GSE1: variants seen among roughly 807,000 people sequenced by gnomAD.
GSE1 encodes Gse1 coiled-coil protein.
Under a neutral mutation model 112.6 loss-of-function variants are expected in GSE1, and 32 were observed. That is an observed-to-expected ratio of 0.28 (90% CI 0.21 to 0.38). The LOEUF (loss-of-function observed/expected upper bound fraction) is 0.38. GSE1 is among the 10% of genes least tolerant of loss of function. The pLI, the probability that GSE1 is intolerant of heterozygous loss-of-function variation, is 1.00. For synonymous variants in GSE1, 1,115 were observed against 735.6 expected, an observed-to-expected ratio of 1.52 and a Z score of -8.35; for missense variants, 2,348 against 1,699.2, an observed-to-expected ratio of 1.38 and a Z score of -6.71.
rs571522871 is a variant in GSE1 at position 85,231,372 on chromosome 16, AGATG to A, written c.2283+59574_2283+59577del. On this transcript the variant is annotated intron_variant, in intron 1 of 2. Transcript: ENST00000637419. ...ATGGATGATGGATGGACAGAAGGAT[AGATG>A]GATGGATGATGATGGATGGATAGCT... 8.3e-3 allele frequency among the ~76,000 whole-genome samples: 1,236 copies of A among 149,690 alleles called. 7 individuals are homozygous for A. The highest frequency in any genetic ancestry group is 0.014 in the Non-Finnish European group (950 of 67,484).
intron 2 of GSE1, among the ~76,000 whole-genome samples, chr16:85,505,623 C>T (rs983308992): frequency 7.9e-5 from 12 of 152,182 alleles, no homozygotes; most frequent in African/African-American, 2.4e-4. Flanking sequence ...GGAGTGCCGG[C>T]GGGGGGCACA....
At chr16:85,665,868 C>T (rs535602994) in intron 12 of GSE1, 108 bp from the exon 13 acceptor site, 24 of 1,047,902 alleles carry the variant, frequency 2.3e-5, no homozygotes, top group Admixed American at 5.8e-5. Flanking sequence ...TGGTTCTTTG[C>T]GCTAGGTCTT....
chr16:85,369,760 C>T (rs1200931315), intron 2 of GSE1, among the ~76,000 whole-genome samples: 1 of 152,230 alleles, frequency 6.6e-6, no homozygotes, highest in South Asian at 2.1e-4. Context: ...CCTGGCTGGG[C>T]TGAGCTGGCT....
At chr16:85,610,092 C>A (rs551698854), upstream of GSE1, among the ~76,000 whole-genome samples, 1 of 152,348 alleles carries the variant, frequency 6.6e-6, no homozygotes, top group South Asian at 2.1e-4. Context: ...TGGGAGCCTG[C>A]CTTCCGCTCT....
chr16:85,258,801 G>A lies in GSE1; in HGVS notation c.2283+86994G>A, dbSNP rs531757518. ...TCAGGCCCGCGAAGGGAGCTGTGGC[G>A]GTTTAGCCTCTGCCCCTTGTGGTCC... On this transcript the variant is annotated intron_variant, in intron 1 of 2. Transcript: ENST00000637419. 7.9e-5 allele frequency among the ~76,000 whole-genome samples: 12 copies of A among 152,298 alleles called. No homozygotes were observed. In the South Asian group the frequency reaches 8.3e-4, roughly 11 times the overall value.
chr16:85,180,008 A>G (rs956000954), intron 1 of GSE1, among the ~76,000 whole-genome samples: 2 of 152,108 alleles, frequency 1.3e-5, no homozygotes, highest in African/African-American at 2.4e-5. Context: ...GTCTTTCTAC[A>G]TGTGTTGGCG....
intron 2 of GSE1, among the ~76,000 whole-genome samples, chr16:85,422,574 T>G (rs2048873556): frequency 7.6e-6 from 1 of 132,024 alleles, no homozygotes; most frequent in African/African-American, 2.7e-5. Flanking sequence ...TGCCCTGTTC[T>G]GGCCAAAAGA....
chr16:85,390,891 C>A (rs1477053770), intron 2 of GSE1, among the ~76,000 whole-genome samples: 4 of 152,214 alleles, frequency 2.6e-5, no homozygotes, highest in Admixed American at 2.0e-4. Flanking sequence ...TTTGGAGATG[C>A]GTCATGCTGG....
chr16:85,440,153 G>C lies in GSE1; in HGVS notation c.2464+82510G>C, dbSNP rs150406940. ...TGTGGTAAATGTTTGTCGAGTCAGT[G>C]AATGCATGGATGGCTCGAACCGTGT... On this transcript the variant is annotated intron_variant, in intron 2 of 2. Coordinates refer to the GSE1 transcript ENST00000637419. 2.6e-3 allele frequency among the ~76,000 whole-genome samples: 389 copies of C among 152,358 alleles called. 1 individual carries two copies. Among genetic ancestry groups the C allele is most frequent in the African/African-American group, 9.0e-3 (375 of 41,580 alleles).
At chr16:85,661,054 G>A in intron 8 of GSE1, 92 bp from the exon 9 acceptor site, 1 of 1,263,252 alleles carries the variant, frequency 7.9e-7, no homozygotes, top group Non-Finnish European at 1.1e-6. Flanking sequence ...TGCGCCATCT[G>A]TGTCATCTTA....
At chr16:85,524,443 C>T (rs1323638962) in intron 2 of GSE1, among the ~76,000 whole-genome samples, 2 of 152,136 alleles carry the variant, frequency 1.3e-5, no homozygotes. Context: ...TCCTAAATGC[C>T]AGCACGGCTG....
intron 1 of GSE1, among the ~76,000 whole-genome samples, chr16:85,296,154 C>G (rs2045360102): frequency 6.6e-6 from 1 of 152,130 alleles, no homozygotes; most frequent in Non-Finnish European, 1.5e-5. Context: ...GATTTCTGAA[C>G]TGCACAAGGT....
chr16:85,186,037 T>C (rs562107029), intron 1 of GSE1, among the ~76,000 whole-genome samples: 2 of 152,306 alleles, frequency 1.3e-5, no homozygotes, highest in South Asian at 4.1e-4. Flanking sequence ...GAGACCACGA[T>C]GGGCCGGGCA....
At chr16:85,535,356 C>CG (rs1463419360) in intron 2 of GSE1, among the ~76,000 whole-genome samples, 1 of 152,188 alleles carries the variant, frequency 6.6e-6, no homozygotes, top group Non-Finnish European at 1.5e-5. Flanking sequence ...GCCAGGTCTC[C>CG]GGGGGGTATG....
chr16:85,613,542 G>A, intron 1 of GSE1, 144 bp downstream of exon 1: 1 of 797,082 alleles, frequency 1.3e-6, no homozygotes, highest in Non-Finnish European at 1.9e-6. Context: ...GATAAGAGCC[G>A]GGAGGGCGGG....
intron 1 of GSE1, among the ~76,000 whole-genome samples, chr16:85,320,707 A>G (rs1181206821): frequency 2.0e-5 from 3 of 152,122 alleles, no homozygotes; most frequent in Non-Finnish European, 1.5e-5. Flanking sequence ...TTTGAGCAGC[A>G]TGACTTCTCG....
At chr16:85,634,764 T>A (rs900191441) in intron 2 of GSE1, among the ~76,000 whole-genome samples, 4 of 152,180 alleles carry the variant, frequency 2.6e-5, no homozygotes, top group Non-Finnish European at 5.9e-5. Context: ...TTTTCCTGTC[T>A]GTGCAGTGAG....
chr16:85,461,948 T>C (rs1390516740), intron 2 of GSE1, among the ~76,000 whole-genome samples: 2 of 152,048 alleles, frequency 1.3e-5, no homozygotes, highest in Non-Finnish European at 2.9e-5. Context: ...CGCAGCTTGA[T>C]TTAGTAGGCG....
chr16:85,572,291 C>A (rs1159935310), intron 1 of GSE1, among the ~76,000 whole-genome samples: 1 of 145,566 alleles, frequency 6.9e-6, no homozygotes, highest in African/African-American at 2.6e-5. Context: ...CATACCCCCA[C>A]ACACAACACA....
Sources: allele counts gnomAD v4.1 joint callset (sites outside exome capture counted in the v4.1 genomes callset), GRCh38; gene constraint gnomAD v4.1.1; transcripts MANE v1.5; gene names NCBI Gene and HGNC (gene_info 2026-07-23, HGNC 2026-07-21).